SPTAN1: variants seen among roughly 807,000 people sequenced by gnomAD.
The protein encoded by SPTAN1 is spectrin alpha, non-erythrocytic 1.
Under a neutral mutation model 331.3 loss-of-function variants are expected in SPTAN1, and 61 were observed. The ratio of observed to expected loss-of-function variants is 0.18; its 90% CI spans 0.15 to 0.23. The LOEUF is 0.23. SPTAN1 is among the 10% of genes least tolerant of loss of function. The pLI, the probability that SPTAN1 is intolerant of heterozygous loss-of-function variation, is 1.00. For missense variants in SPTAN1, 2,043 were observed against 3,147.9 expected, an observed-to-expected ratio of 0.65 and a Z score of 8.40; for synonymous variants, 1,153 against 1,173.9, an observed-to-expected ratio of 0.98 and a Z score of 0.36.
chr9:128,595,879 T>C (rs562649547), intron 24 of SPTAN1: 1 of 152,352 alleles, frequency 6.6e-6, no homozygotes, highest in South Asian at 2.1e-4. Flanking sequence ...CAAGGTGTTC[T>C]GTTGCCCAGG....
rs571433254 is a variant in SPTAN1, at chr9:128,574,606, C to G, written c.364-69C>G. 3 of 1,592,848 alleles carry G rather than the reference C, an allele frequency of 1.9e-6. No homozygotes were observed. In the African/African-American group the frequency reaches 4.0e-5, roughly 21 times the overall value. The stretch of plus-strand genomic sequence containing the variant: ...CCATAAGGTCTCTAACTTGTCTAAA[C>G]TCTATGGAAGAGCCAGATCCCACAG... On this transcript the variant is annotated intron_variant, in intron 3 of 56. Coordinates refer to ENST00000372739, the MANE Select transcript of SPTAN1 (RefSeq NM_001130438.3).
chr9:128,617,555 G>A, intron 41 of SPTAN1, 85 bp from the exon 42 acceptor site: 1 of 1,596,490 alleles, frequency 6.3e-7, no homozygotes, highest in African/African-American at 1.3e-5. Flanking sequence ...GTAGATGTCT[G>A]TGAGGTCCAC....
chr9:128,560,757 C>T (rs986411465), intron 1 of SPTAN1, among the ~76,000 whole-genome samples: 3 of 151,954 alleles, frequency 2.0e-5, no homozygotes, highest in Non-Finnish European at 2.9e-5. Flanking sequence ...CTGTGGCTCA[C>T]GTCTGTAATC....
chr9:128,554,786 G>A (rs1304521346), intron 1 of SPTAN1, among the ~76,000 whole-genome samples: 1 of 152,358 alleles, frequency 6.6e-6, no homozygotes, highest in African/African-American at 2.4e-5. Context: ...GGGGCCACTT[G>A]ACTGGAGCAG....
rs201948749 is a variant in SPTAN1 at position 128,580,974 on chromosome 9, G to A, written c.1376G>A (p.Arg459His). 46 of 1,613,920 alleles carry A rather than the reference G, an allele frequency of 2.9e-5. No individual in the cohort carries two copies. In the East Asian group the frequency reaches 3.6e-4, roughly 13 times the overall value. Residue 459 changes from arginine (R) to histidine (H), a missense_variant, in exon 11 of 57, where the codon CGC becomes CAC. Arg to His is a conservative substitution (Grantham distance 29, BLOSUM62 0). Transcript: ENST00000372739. ...GCGCTGCTGGAGCTGTGGGAGCTGC[G>A]CAGGCAGCAGTACGAGCAGTGCATG... is the stretch of plus-strand genomic sequence containing the variant. ...RAALLELWELRRQQYEQCMDL... is the reference protein window; with the variant it reads ...RAALLELWELHRQQYEQCMDL...
At chr9:128,580,493 T>C (rs1851814581) in intron 10 of SPTAN1, among the ~76,000 whole-genome samples, 2 of 152,084 alleles carry the variant, frequency 1.3e-5, no homozygotes, top group South Asian at 4.1e-4. Context: ...AGACTTGTCA[T>C]TAGTAGCTTC....
chr9:128,627,261 T>G lies in SPTAN1; in HGVS notation c.6577-125T>G, dbSNP rs1186324867. The G allele has an allele frequency of 3.0e-5, 24 of 811,264 alleles. No homozygotes were observed. The highest frequency in any genetic ancestry group is 6.1e-6 in the Non-Finnish European group (3 of 492,226). The allele number at this position is 811,264 out of a possible 1,614,324, so 50.3% of individuals were successfully genotyped here. Reference sequence around the variant, plus strand: ...TGAGCCGGCCTCATGTCTCCCAGCCTCCTCCTCTCATCTTTGGGGAGGTTC... The same window carrying G: ...TGAGCCGGCCTCATGTCTCCCAGCCGCCTCCTCTCATCTTTGGGGAGGTTC... On this transcript the variant is annotated intron_variant, in intron 49 of 56. Coordinates refer to ENST00000372739, the MANE Select transcript of SPTAN1 (RefSeq NM_001130438.3). This position sits in a 1 kb window ranked among gnomAD's most constrained non-coding sequence, Gnocchi z 4.9.
At chr9:128,589,028 C>T (rs1046813767) in intron 21 of SPTAN1, 85 bp downstream of exon 21, 3 of 1,563,002 alleles carry the variant, frequency 1.9e-6, no homozygotes, top group South Asian at 1.2e-5. Flanking sequence ...TTGCATGTCT[C>T]CCTGAAATGA....
At chr9:128,598,297 T>C in intron 24 of SPTAN1, 103 bp from the exon 25 acceptor site, 2 of 844,698 alleles carry the variant, frequency 2.4e-6, no homozygotes, top group South Asian at 2.9e-5. Flanking sequence ...GGTAGGCCTC[T>C]GTAGAAGAAT....
chr9:128,596,603 C>G (rs1001082962), intron 24 of SPTAN1: 3 of 152,014 alleles, frequency 2.0e-5, no homozygotes, highest in African/African-American at 7.3e-5. Flanking sequence ...TTTATCCATT[C>G]CACCACTTAA....
At chr9:128,599,887 T>G (rs1011799808) in intron 26 of SPTAN1, 193 bp from the exon 27 acceptor site, 1 of 632,346 alleles carries the variant, frequency 1.6e-6, no homozygotes, top group Non-Finnish European at 2.8e-6. Context: ...CTCCCCTGTT[T>G]GTTGGCTTAA....
At chr9:128,613,236 C>T in intron 39 of SPTAN1, 145 bp from the exon 40 acceptor site, 4 of 726,022 alleles carry the variant, frequency 5.5e-6, no homozygotes, top group Admixed American at 4.0e-5. Flanking sequence ...ATTGGGGTGG[C>T]TAGGAATCAC....
At position 128,574,820 on chromosome 9, in the gene SPTAN1, G is replaced by A. The variant is rs377258326; in HGVS notation, c.504+5G>A. The A allele has an allele frequency of 1.9e-6, 3 of 1,613,878 alleles. No homozygotes were observed. Among genetic ancestry groups the A allele is most frequent in the Non-Finnish European group, 2.5e-6 (3 of 1,179,892 alleles). On this transcript the variant is annotated splice_donor_5th_base_variant and intron_variant, in intron 4 of 56. Coordinates refer to ENST00000372739, the MANE Select transcript of SPTAN1 (RefSeq NM_001130438.3). Reference sequence around the variant, plus strand: ...ATGGACTGGATCAATGACAAGGCACGTTTTGGGAAGAAGGGTTTGCTAAGC... The same window carrying A: ...ATGGACTGGATCAATGACAAGGCACATTTTGGGAAGAAGGGTTTGCTAAGC...
chr9:128,598,550 C>G (rs1185793220), intron 25 of SPTAN1, 46 bp downstream of exon 25: 1 of 1,417,404 alleles, frequency 7.1e-7, no homozygotes, highest in East Asian at 2.3e-5. Context: ...TGTAAGGATG[C>G]AGCTTTGTTC....
Position 128,592,975 on chromosome 9 carries a change from C to G in SPTAN1, c.3156-8C>G, listed in dbSNP as rs1853734254. 3 of 1,604,884 alleles carry G rather than the reference C, an allele frequency of 1.9e-6. No individual in the cohort carries two copies. The Admixed American group carries it at 5.1e-5, about 27-fold the overall frequency. On this transcript the variant is annotated splice_region_variant and splice_polypyrimidine_tract_variant and intron_variant, in intron 22 of 56. Coordinates refer to ENST00000372739, the MANE Select transcript of SPTAN1 (RefSeq NM_001130438.3). ...CGTGCATGCTTTTGCTGTGCCCCCT[C>G]TGTGCAGGACACGCATAACTAAGGA...
chr9:128,575,856 T>C (rs541584952), intron 5 of SPTAN1, among the ~76,000 whole-genome samples: 2 of 152,302 alleles, frequency 1.3e-5, no homozygotes, highest in African/African-American at 4.8e-5. Flanking sequence ...TGTACAATCC[T>C]GTAAGCTGCT....
chr9:128,588,053 A>G (rs1419581307), intron 20 of SPTAN1, among the ~76,000 whole-genome samples: 3 of 144,226 alleles, frequency 2.1e-5, no homozygotes, highest in Non-Finnish European at 4.5e-5. Context: ...GCTAGAGTGC[A>G]GTGGCACTAT....
intron 46 of SPTAN1, 164 bp downstream of exon 46, chr9:128,624,651 G>A (rs1203186405): frequency 1.1e-6 from 1 of 904,776 alleles, no homozygotes. Context: ...AGGAGACAGT[G>A]TCCTGAGGCC....
At chr9:128,575,112 T>A in intron 4 of SPTAN1, 87 bp from the exon 5 acceptor site, 1 of 1,564,820 alleles carries the variant, frequency 6.4e-7, no homozygotes, top group Non-Finnish European at 8.8e-7. Flanking sequence ...CATGGCTCCG[T>A]CCCTAATGTG....
Sources: allele counts gnomAD v4.1 joint callset (sites outside exome capture counted in the v4.1 genomes callset), GRCh38; gene constraint gnomAD v4.1.1; non-coding constraint Gnocchi (gnomAD v3.1); transcripts MANE v1.5; gene names NCBI Gene and HGNC (gene_info 2026-07-23, HGNC 2026-07-21).